The following SEPSECS variants were observed in gnomAD, a reference collection of about 807,000 sequenced individuals.
The protein encoded by SEPSECS is O-phosphoseryl-tRNA(Sec) selenium transferase.
SEPSECS carries 42 observed loss-of-function variants against 52.1 expected under a neutral mutation model. The observed-to-expected ratio is 0.81, with a 90% CI of 0.63 to 1.04. SEPSECS has a LOEUF of 1.04. SEPSECS is among the 50% of genes least tolerant of loss of function. SEPSECS has a pLI of 0.00. For synonymous variants in SEPSECS, 216 were observed against 211.4 expected, an observed-to-expected ratio of 1.02 and a Z score of -0.19; for missense variants, 590 against 610.6, an observed-to-expected ratio of 0.97 and a Z score of 0.36.
At chr4:25,133,542 C>T (rs574676283) in intron 8 of SEPSECS, among the ~76,000 whole-genome samples, 1 of 152,294 alleles carries the variant, frequency 6.6e-6, no homozygotes, top group Non-Finnish European at 1.5e-5. Context: ...AATCAATCAT[C>T]TACAAGTAGT....
At chr4:25,151,850 T>A in intron 6 of SEPSECS, 110 bp downstream of exon 6, 1 of 708,452 alleles carries the variant, frequency 1.4e-6, no homozygotes, top group African/African-American at 1.8e-5. Flanking sequence ...CTGAAGCAGA[T>A]GGTCATAAAT....
At chr4:25,139,686 T>C (rs1034044189) in intron 8 of SEPSECS, among the ~76,000 whole-genome samples, 2 of 152,066 alleles carry the variant, frequency 1.3e-5, no homozygotes, top group African/African-American at 2.4e-5. Context: ...TGCTCTACAA[T>C]GTGACAAATT....
intron 8 of SEPSECS, among the ~76,000 whole-genome samples, chr4:25,131,923 C>A (rs987406413): frequency 1.6e-4 from 25 of 152,196 alleles, no homozygotes; most frequent in African/African-American, 5.5e-4. Flanking sequence ...TGAGGATAAA[C>A]TTCTAAGACC....
Position 25,155,015 on chromosome 4 carries a change from A to G in SEPSECS, c.684T>C (p.Ala228=). Residue 228 remains alanine (A), a synonymous_variant, in exon 5 of 11, where the codon GCT becomes GCC. Transcript: ENST00000382103. ...TCATTTACCTATCAGGCACCCTTGG[A>G]GCAAAACAGGATGTAGTAGAATGAA... The part of the protein sequence containing the change: ...LCIHSTTSCF[A]PRVPDRLEEL... 1 of 1,614,168 alleles carries G rather than the reference A, an allele frequency of 6.2e-7. No homozygotes were observed. The highest frequency in any genetic ancestry group is 1.3e-5 in the African/African-American group (1 of 75,068).
intron 2 of SEPSECS, among the ~76,000 whole-genome samples, chr4:25,157,366 TCAG>T (rs952577080): frequency 8.5e-5 from 13 of 152,094 alleles, no homozygotes; most frequent in African/African-American, 3.1e-4. Flanking sequence ...GACTAAACTC[TCAG>T]CCAGTATCTG....
At chr4:25,132,218 T>A (rs1353491797) in intron 8 of SEPSECS, among the ~76,000 whole-genome samples, 1 of 152,214 alleles carries the variant, frequency 6.6e-6, no homozygotes, top group Non-Finnish European at 1.5e-5. Flanking sequence ...TAGAGCTAGA[T>A]GAAATAACCT....
Position 25,159,045 on chromosome 4 carries a change from T to C in SEPSECS, c.177A>G (p.Ala59=). The change falls in exon 2 of 11, where the codon GCA becomes GCG. Residue 59 remains alanine (A), a synonymous_variant. Coordinates refer to ENST00000382103, the MANE Select transcript of SEPSECS (RefSeq NM_016955.4). ...CTAAGAAATTGTTGCTGTCCATGAT[T>C]GCAAGTTCATGTAAAAAGAGTTCAA... ...STLELFLHEL[A]IMDSNNFLGN... 1.2e-6 allele frequency: 2 copies of C among 1,613,526 alleles called. No homozygotes were observed. Among genetic ancestry groups the C allele is most frequent in the African/African-American group, 1.3e-5 (1 of 74,938 alleles).
In SEPSECS at chr4:25,121,884, T is replaced by A. The variant is rs1251631476; in HGVS notation, c.*2047A>T. On this transcript the variant is annotated 3_prime_UTR_variant, in exon 11 of 11. Transcript: ENST00000382103. ...ACACTGCAGATGAGAAAACATTTGC[T>A]ACTCTCCCAGCTCTGGCCTTTCTTA... is the stretch of plus-strand genomic sequence containing the variant. 1 of 152,180 alleles carries A rather than the reference T, an allele frequency of 6.6e-6. No homozygotes were observed. 9.4% of individuals were successfully genotyped at this position (152,180 alleles called of 1,614,324 possible). A position where few individuals can be genotyped will look rare whatever the true frequency, so the allele number is the denominator to read the frequency against.
Position 25,123,658 on chromosome 4 carries a change from ATC to A in SEPSECS, c.*271_*272del. 2.2e-6 allele frequency: 1 copy of A among 444,504 alleles called. No homozygotes were observed. The highest frequency in any genetic ancestry group is 4.1e-6 in the Non-Finnish European group (1 of 243,616). 27.5% of individuals were successfully genotyped at this position (444,504 alleles called of 1,614,324 possible). A position where few individuals can be genotyped will look rare whatever the true frequency, so the allele number is the denominator to read the frequency against. On this transcript the variant is annotated 3_prime_UTR_variant, in exon 11 of 11. Coordinates refer to ENST00000382103, the MANE Select transcript of SEPSECS (RefSeq NM_016955.4). ...TACTGTCATTACACTAGTAAAAATT[ATC>A]TGAGTCATGATGCTTAATTGACAGA...
intron 8 of SEPSECS, among the ~76,000 whole-genome samples, chr4:25,131,862 T>C (rs1360446386): frequency 2.0e-5 from 3 of 152,210 alleles, no homozygotes; most frequent in Non-Finnish European, 4.4e-5. Context: ...AGCACTTTTC[T>C]AAAAGGAAAG....
intron 6 of SEPSECS, among the ~76,000 whole-genome samples, chr4:25,147,796 A>T (rs1712050599): frequency 6.6e-6 from 1 of 151,886 alleles, no homozygotes; most frequent in Non-Finnish European, 1.5e-5. Context: ...CAATAAAAAT[A>T]AAAAAAATTT....
At chr4:25,160,193 A>C (rs1242126280) in intron 1 of SEPSECS, 63 bp downstream of exon 1, 2 of 1,543,388 alleles carry the variant, frequency 1.3e-6, no homozygotes, top group Non-Finnish European at 1.8e-6. Context: ...ACCAGCGGGG[A>C]CGCCCGGCGG....
chr4:25,125,575 T>A, intron 10 of SEPSECS, 119 bp downstream of exon 10: 2 of 729,976 alleles, frequency 2.7e-6, no homozygotes, highest in Non-Finnish European at 4.9e-6. Context: ...CTTTACTCCA[T>A]GATGAATTCG....
Position 25,154,984 on chromosome 4 carries a change from C to T in SEPSECS, c.701+14G>A. 6.2e-7 allele frequency: 1 copy of T among 1,612,886 alleles called. No individual in the cohort carries two copies. The highest frequency in any genetic ancestry group is 8.5e-7 in the Non-Finnish European group (1 of 1,178,968). ...TGATAAACAGCTAAAGGACAATATT[C>T]ACAAATCATTTACCTATCAGGCACC... On this transcript the variant is annotated intron_variant, in intron 5 of 10. Transcript: ENST00000382103.
chr4:25,133,331 T>A (rs1288906170), intron 8 of SEPSECS, among the ~76,000 whole-genome samples: 2 of 152,200 alleles, frequency 1.3e-5, no homozygotes, highest in Non-Finnish European at 2.9e-5. Flanking sequence ...GATGAAGGCA[T>A]CCAATTCATG....
At chr4:25,133,016 T>G (rs1182528659) in intron 8 of SEPSECS, among the ~76,000 whole-genome samples, 1 of 152,162 alleles carries the variant, frequency 6.6e-6, no homozygotes, top group Non-Finnish European at 1.5e-5. Context: ...CTCATACACT[T>G]GCTCTGGGTA....
chr4:25,155,937 G>C (rs980552275), intron 4 of SEPSECS, 100 bp downstream of exon 4: 3 of 1,135,962 alleles, frequency 2.6e-6, no homozygotes, highest in Admixed American at 1.9e-5. Flanking sequence ...AAAGCAATAG[G>C]GAAGAGAGTT....
At position 25,135,290 on chromosome 4, in the gene SEPSECS, A is replaced by T. The variant is rs541034399; in HGVS notation, c.1027-7933T>A. Among the ~76,000 whole-genome samples, 266 of 151,870 alleles carry T rather than the reference A, an allele frequency of 1.8e-3. 1 individual carries two copies. The highest frequency in any genetic ancestry group is 4.6e-3 in the Admixed American group (70 of 15,222). On this transcript the variant is annotated intron_variant, in intron 8 of 10. Coordinates refer to ENST00000382103, the MANE Select transcript of SEPSECS (RefSeq NM_016955.4). ...AACGAATCCAGGAGTGGGTTTTTTT[A>T]AAAAATTAATAAAAAATAGGTAGAT...
rs141348027 is a variant in SEPSECS at position 25,131,980 on chromosome 4, T to C, written c.1027-4623A>G. On this transcript the variant is annotated intron_variant, in intron 8 of 10. Coordinates refer to ENST00000382103, the MANE Select transcript of SEPSECS (RefSeq NM_016955.4). ...ACAAACTAAAAGATACAGTCTTACATTTTCACCTCTTTTTTAAAAGGGGTT... is the reference window on the plus strand; with the variant it reads ...ACAAACTAAAAGATACAGTCTTACACTTTCACCTCTTTTTTAAAAGGGGTT... 1.8e-3 allele frequency among the ~76,000 whole-genome samples: 278 copies of C among 152,316 alleles called. 8 individuals are homozygous for C. The East Asian group carries it at 0.047, about 26-fold the overall frequency.
Sources: gnomAD v4.1 joint callset for allele counts (sites outside exome capture counted in the v4.1 genomes callset) on GRCh38, gnomAD v4.1.1 for gene constraint, MANE v1.5 for transcripts, NCBI Gene and HGNC (gene_info 2026-07-23, HGNC 2026-07-21) for gene names.